Variants in BCORL1 observed in about 807,000 individuals in gnomAD.
BCORL1 encodes the protein BCL-6 corepressor-like protein 1.
A neutral mutation model predicts 87.6 loss-of-function variants in BCORL1; 7 were observed. That is an observed-to-expected ratio of 0.08 (90% CI 0.05 to 0.15). The LOEUF (loss-of-function observed/expected upper bound fraction) is 0.15, where lower values mean the gene tolerates loss of function less well. BCORL1 is among the 10% of genes least tolerant of loss of function. The probability of loss-of-function intolerance (pLI) is 1.00; values close to 1 mark genes in which losing one functional copy is unlikely to be tolerated. For synonymous variants in BCORL1, 591 were observed against 634.4 expected (o/e 0.93, Z 1.03); for missense variants, 1,215 against 1,499.7 (o/e 0.81, Z 3.13).
intron 1 of BCORL1, among the ~76,000 whole-genome samples, chrX:129,997,794 CAAAAAA>C (rs1229437098): frequency 1.4e-4 from 4 of 28,971 alleles, no homozygotes; most frequent in African/African-American, 5.3e-4. Flanking sequence ...TCCGACTCAC[CAAAAAA>C]AAAAAAAAAA....
chrX:130,015,199 G>A lies in BCORL1; in HGVS notation c.2427G>A (p.Gly809=), dbSNP rs1056942257. 21 of 1,210,880 alleles carry A rather than the reference G, an allele frequency of 1.7e-5. No individual in the cohort carries two copies. Among genetic ancestry groups the A allele is most frequent in the Non-Finnish European group, 2.3e-5 (21 of 895,387 alleles). ...TKELSLWKPT[G]PANIYPRCSV... ...AACTCTCTTTGTGGAAACCCACGGGGCCGGCAAATATTTATCCCCGGTGTT... is the reference window on the plus strand; with the variant it reads ...AACTCTCTTTGTGGAAACCCACGGGACCGGCAAATATTTATCCCCGGTGTT... Residue 809 remains glycine, a synonymous_variant, in exon 4 of 14, where the codon GGG becomes GGA. Coordinates refer to ENST00000540052, the MANE Select transcript of BCORL1 (RefSeq NM_001379451.1).
Position 130,013,843 on chromosome X carries a change from G to A in BCORL1, c.1071G>A (p.Met357Ile). 8.6e-7 allele frequency: 1 copy of A among 1,166,640 alleles called. No homozygotes were observed. Among genetic ancestry groups the A allele is most frequent in the Non-Finnish European group, 1.1e-6 (1 of 873,247 alleles). ...CCCCTGCCCCTCCGTCTGTGCCCAT[G>A]CCCACTCCAACCCCATCTTCCGGCC... ...PAAPAPPSVPMPTPTPSSGPP... is the reference protein window; with the variant it reads ...PAAPAPPSVPIPTPTPSSGPP... The change falls in exon 4 of 14, where the codon ATG becomes ATA. Residue 357 changes from methionine to isoleucine, a missense_variant. Met to Ile is a conservative substitution (Grantham distance 10). Coordinates refer to ENST00000540052, the MANE Select transcript of BCORL1 (RefSeq NM_001379451.1).
intron 1 of BCORL1, among the ~76,000 whole-genome samples, chrX:129,983,029 C>T (rs952603339): frequency 9.1e-6 from 1 of 109,379 alleles, no homozygotes; most frequent in Non-Finnish European, 1.9e-5. Flanking sequence ...GCTCGGCTTG[C>T]CCCCCGGGGG....
chrX:130,021,238 C>T (rs988858499), intron 5 of BCORL1, 88 bp downstream of exon 5: 2 of 1,103,894 alleles, frequency 1.8e-6, no homozygotes, highest in Non-Finnish European at 1.2e-6. Context: ...CAGGCGCTGA[C>T]TCCTTCACTC....
chrX:130,016,313 G>A, intron 4 of BCORL1, 100 bp downstream of exon 4: 1 of 1,011,028 alleles, frequency 9.9e-7, no homozygotes, highest in Admixed American at 3.3e-5. Context: ...GTGACACAGT[G>A]CTGTTGGGCA....
intron 7 of BCORL1, 151 bp downstream of exon 7, chrX:130,025,530 C>G: frequency 1.9e-6 from 1 of 514,062 alleles, no homozygotes; most frequent in East Asian, 3.9e-5. Context: ...ACTCCAGCTC[C>G]GAGCCTTTGG....
At chrX:130,037,747 C>T (rs1242898517) in intron 10 of BCORL1, among the ~76,000 whole-genome samples, 5 of 111,146 alleles carry the variant, frequency 4.5e-5, no homozygotes, top group Non-Finnish European at 7.6e-5. Flanking sequence ...AAAAATTAGC[C>T]GGGTGTGGTG....
At chrX:129,980,472 T>G (rs186500011), upstream of BCORL1, among the ~76,000 whole-genome samples, 11,270 of 111,091 alleles carry the variant, frequency 0.1, 503 homozygotes, top group Admixed American at 0.22. Flanking sequence ...AGAAACTTGC[T>G]TCCCGCGGCC....
intron 1 of BCORL1, among the ~76,000 whole-genome samples, chrX:129,995,804 G>A (rs1429830625): frequency 8.9e-6 from 1 of 111,743 alleles, no homozygotes; most frequent in Admixed American, 9.5e-5. Flanking sequence ...AATGAAGTAG[G>A]GAAAACAGGA....
rs752053901 is a variant in BCORL1, at chrX:130,056,076, C to T, written c.5298C>T (p.Tyr1766=). ...GSSETVELVR[Y]EPDLLRLLGS... ...CTGAGACTGTGGAGCTGGTGCGGTA[C>T]GAGCCAGACCTACTTCGGCTCCTAG... Residue 1766 remains tyrosine, a synonymous_variant, in exon 14 of 14, where the codon TAC becomes TAT. Transcript: ENST00000540052. The T allele has an allele frequency of 7.0e-5, 84 of 1,197,618 alleles. No homozygotes were observed. Among genetic ancestry groups the T allele is most frequent in the Middle Eastern group, 4.7e-4 (2 of 4,244 alleles).
chrX:129,987,340 A>G (rs1926715067), intron 1 of BCORL1, among the ~76,000 whole-genome samples: 2 of 112,140 alleles, frequency 1.8e-5, no homozygotes, highest in Admixed American at 1.9e-4. Flanking sequence ...AGAGGAATTA[A>G]GAGCCAAAGG....
Position 130,013,721 on chromosome X carries a change from A to T in BCORL1, c.949A>T (p.Ile317Phe). 1 of 1,203,029 alleles carries T rather than the reference A, an allele frequency of 8.3e-7. No homozygotes were observed. The highest frequency in any genetic ancestry group is 1.1e-6 in the Non-Finnish European group (1 of 891,438). ...VPVSAPPLAL[I>F]QAPVPPSAPT... The stretch of plus-strand genomic sequence containing the variant: ...AGTTTCAGCTCCTCCCTTGGCTCTC[A>T]TCCAGGCTCCTGTGCCCCCTTCAGC... Residue 317 changes from isoleucine (I) to phenylalanine (F), a missense_variant, in exon 4 of 14, where the codon ATC becomes TTC. Ile to Phe is a conservative substitution (Grantham distance 21). Coordinates refer to ENST00000540052, the MANE Select transcript of BCORL1 (RefSeq NM_001379451.1).
Position 130,051,246 on chromosome X carries a change from C to T in BCORL1, c.4918+452C>T, listed in dbSNP as rs1360402331. On this transcript the variant is annotated intron_variant, in intron 12 of 13. Transcript: ENST00000540052. ...GTCTTCGGAGCCCTTAGCCTTCTGG[C>T]CGCAGCTTTCCTCTCCTGGAAGACC... is the stretch of plus-strand genomic sequence containing the variant. 2.7e-5 allele frequency among the ~76,000 whole-genome samples: 3 copies of T among 112,768 alleles called. No individual in the cohort carries two copies. The East Asian group carries it at 8.3e-4, about 31-fold the overall frequency.
chrX:130,044,832 G>T (rs1387294262), intron 11 of BCORL1, among the ~76,000 whole-genome samples: 1 of 112,588 alleles, frequency 8.9e-6, no homozygotes, highest in African/African-American at 3.2e-5. Context: ...TAAGTACAAA[G>T]AAATGTCACT....
At chrX:130,038,376 C>T (rs1931083301) in intron 10 of BCORL1, among the ~76,000 whole-genome samples, 1 of 111,478 alleles carries the variant, frequency 9.0e-6, no homozygotes, top group East Asian at 2.8e-4. Context: ...GGGGGCTCCG[C>T]TTGGGTTCTG....
chrX:129,989,667 A>G (rs1280251297), intron 1 of BCORL1, among the ~76,000 whole-genome samples: 1 of 103,892 alleles, frequency 9.6e-6, no homozygotes, highest in Non-Finnish European at 2.0e-5. Flanking sequence ...GGGTTTCACC[A>G]TGTTGACCAG....
intron 11 of BCORL1, among the ~76,000 whole-genome samples, chrX:130,041,396 C>T (rs1931308058): frequency 1.8e-5 from 2 of 110,750 alleles, no homozygotes; most frequent in Non-Finnish European, 3.8e-5. Context: ...GTTTTTGGCG[C>T]GATCTTGGCT....
At chrX:130,045,212 T>C (rs1931671360) in intron 11 of BCORL1, among the ~76,000 whole-genome samples, 1 of 112,297 alleles carries the variant, frequency 8.9e-6, no homozygotes, top group African/African-American at 3.2e-5. Context: ...GAGAGCAATA[T>C]CCAAGCTGGC....
At chrX:130,046,572 A>G (rs764888377) in intron 11 of BCORL1, among the ~76,000 whole-genome samples, 3 of 106,541 alleles carry the variant, frequency 2.8e-5, no homozygotes, top group Non-Finnish European at 3.9e-5. Context: ...TTTGAGACGG[A>G]GTCTCGCTCT....
Sources: allele counts gnomAD v4.1 joint callset (sites outside exome capture counted in the v4.1 genomes callset), GRCh38; gene constraint gnomAD v4.1.1; transcripts MANE v1.5; gene names NCBI Gene and HGNC (gene_info 2026-07-23, HGNC 2026-07-21).